MTCL3: variants seen among roughly 807,000 people sequenced by gnomAD.
MTCL3 encodes the protein microtubule cross-linking factor 3.
the MTCL3 span, among the ~76,000 whole-genome samples, chr6:127,512,632 T>A: frequency 1.3e-5 from 2 of 152,200 alleles, no homozygotes; most frequent in East Asian, 3.8e-4. Context: ...TTAATTAACA[T>A]ACATTTAGAA....
At chr6:127,511,878 T>C in the MTCL3 span, among the ~76,000 whole-genome samples, 1 of 152,210 alleles carries the variant, frequency 6.6e-6, no homozygotes, top group African/African-American at 2.4e-5. Context: ...TATATTTTTG[T>C]ACCATTTTGA....
At chr6:127,485,692 A>C in the MTCL3 span, among the ~76,000 whole-genome samples, 2 of 152,282 alleles carry the variant, frequency 1.3e-5, no homozygotes, top group Non-Finnish European at 2.9e-5. Flanking sequence ...GGTACTGTAT[A>C]TATGCCAAAC....
the MTCL3 span, among the ~76,000 whole-genome samples, chr6:127,517,950 T>C: frequency 1.3e-5 from 2 of 152,236 alleles, no homozygotes; most frequent in Admixed American, 6.5e-5. Flanking sequence ...TACTGCCAGT[T>C]ATTTTACTTG....
At chr6:127,496,248 T>G in the MTCL3 span, among the ~76,000 whole-genome samples, 2 of 152,206 alleles carry the variant, frequency 1.3e-5, no homozygotes, top group Non-Finnish European at 2.9e-5. Context: ...ATATTGTTAC[T>G]CAAATTGACA....
chr6:127,502,643 T>G, the MTCL3 span, among the ~76,000 whole-genome samples: 1 of 152,212 alleles, frequency 6.6e-6, no homozygotes, highest in African/African-American at 2.4e-5. Context: ...CTCTAAAATT[T>G]TATTCTGATA....
At chr6:127,476,431 A>G in the MTCL3 span, 2 of 1,609,052 alleles carry the variant, frequency 1.2e-6, no homozygotes, top group Non-Finnish European at 1.7e-6. This position sits in a 1 kb window ranked among gnomAD's most constrained non-coding sequence, Gnocchi z 4.4. Flanking sequence ...TTCTTCCTTA[A>G]CAAACTGCAG....
At chr6:127,506,006 G>A in the MTCL3 span, among the ~76,000 whole-genome samples, 5 of 152,196 alleles carry the variant, frequency 3.3e-5, no homozygotes, top group South Asian at 4.1e-4. Flanking sequence ...AGGAAGCTTC[G>A]AGAGCACTCA....
the MTCL3 span, among the ~76,000 whole-genome samples, chr6:127,505,813 A>T: frequency 6.6e-6 from 1 of 152,184 alleles, no homozygotes; most frequent in Non-Finnish European, 1.5e-5. Flanking sequence ...CTATATCTTT[A>T]TATCCTCTGT....
the MTCL3 span, chr6:127,515,677 G>A: frequency 2.0e-6 from 3 of 1,516,394 alleles, no homozygotes; most frequent in Non-Finnish European, 2.6e-6. This position sits in a 1 kb window ranked among gnomAD's most constrained non-coding sequence, Gnocchi z 4.3. Context: ...CTCCGCCGCC[G>A]CCGCCATTGG....
At chr6:127,482,375 G>T in the MTCL3 span, among the ~76,000 whole-genome samples, 1 of 152,150 alleles carries the variant, frequency 6.6e-6, no homozygotes, top group Non-Finnish European at 1.5e-5. The surrounding 1 kb of genome is among the most constrained non-coding windows in gnomAD (Gnocchi z 4.1). Context: ...TCTTTACTGT[G>T]GCTGTGCTTC....
chr6:127,498,837 T>G, the MTCL3 span, among the ~76,000 whole-genome samples: 19,818 of 152,132 alleles, frequency 0.13, 2,113 homozygotes, highest in East Asian at 0.64. Context: ...CATATTTTAT[T>G]ATTGTAATTA....
the MTCL3 span, among the ~76,000 whole-genome samples, chr6:127,481,688 G>C: frequency 6.6e-6 from 1 of 152,126 alleles, no homozygotes; most frequent in Non-Finnish European, 1.5e-5. Context: ...AACTGACATA[G>C]TTTAAAGGTT....
the MTCL3 span, among the ~76,000 whole-genome samples, chr6:127,514,325 C>G: frequency 1.9e-3 from 295 of 152,260 alleles, 1 homozygote; most frequent in Admixed American, 3.7e-3. Context: ...GGAAGAAGTC[C>G]TGGAAGAAGG....
chr6:127,488,833 AT>A, the MTCL3 span, among the ~76,000 whole-genome samples: 4 of 152,218 alleles, frequency 2.6e-5, no homozygotes, highest in Admixed American at 6.5e-5. Context: ...CACAGATTGA[AT>A]TTTTTTTAAG....
At chr6:127,475,577 C>T in the MTCL3 span, 1 of 1,607,616 alleles carries the variant, frequency 6.2e-7, no homozygotes. This position sits in a 1 kb window ranked among gnomAD's most constrained non-coding sequence, Gnocchi z 7.3. Context: ...GAGCGGATGT[C>T]CTTCATCTGC....
the MTCL3 span, among the ~76,000 whole-genome samples, chr6:127,476,957 C>G: frequency 5.9e-5 from 9 of 152,116 alleles, no homozygotes; most frequent in Non-Finnish European, 1.2e-4. This position sits in a 1 kb window ranked among gnomAD's most constrained non-coding sequence, Gnocchi z 4.4. Context: ...TATTACAGTT[C>G]CTGGTTTAAA....
At chr6:127,519,183 C>G in the MTCL3 span, 1 of 152,156 alleles carries the variant, frequency 6.6e-6, no homozygotes, top group African/African-American at 2.4e-5. Flanking sequence ...CAAAACCGCT[C>G]GAACACGGAT....
At chr6:127,500,153 G>A in the MTCL3 span, among the ~76,000 whole-genome samples, 1 of 151,862 alleles carries the variant, frequency 6.6e-6, no homozygotes. Context: ...TTCCCACTGG[G>A]GAACTCAGAT....
the MTCL3 span, chr6:127,515,585 G>A: frequency 2.1e-6 from 3 of 1,438,288 alleles, no homozygotes; most frequent in Non-Finnish European, 2.7e-6. This position sits in a 1 kb window ranked among gnomAD's most constrained non-coding sequence, Gnocchi z 4.3. Context: ...TGGAGCTGCT[G>A]CGGGTGCGGC....
Sources: gnomAD v4.1 joint callset for allele counts (sites outside exome capture counted in the v4.1 genomes callset) on GRCh38, gnomAD v4.1.1 for gene constraint, Gnocchi (gnomAD v3.1) non-coding constraint, MANE v1.5 for transcripts, NCBI Gene and HGNC (gene_info 2026-07-23, HGNC 2026-07-21) for gene names.